The following SRRM4 variants were observed in gnomAD, a reference collection of about 807,000 sequenced individuals.
SRRM4 encodes serine/arginine repetitive matrix 4.
In SRRM4, 33 loss-of-function variants were observed where a neutral mutation model predicts 68.9. The ratio of observed to expected loss-of-function variants is 0.48; its 90% confidence interval spans 0.36 to 0.64. The LOEUF is 0.64. Among genes scored for constraint, SRRM4 ranks in the 30% least tolerant of loss-of-function variants. The pLI is 0.00. For synonymous variants in SRRM4, 318 were observed against 318.8 expected, an observed-to-expected ratio of 1.00 and a Z score of 0.03; for missense variants, 817 against 827.1, an observed-to-expected ratio of 0.99 and a Z score of 0.15.
At chr12:119,137,303 G>A (rs1235030753) in intron 8 of SRRM4, among the ~76,000 whole-genome samples, 2 of 152,118 alleles carry the variant, frequency 1.3e-5, no homozygotes, top group Non-Finnish European at 2.9e-5. Context: ...TTGTATTTTT[G>A]TATCCTATTA....
intron 8 of SRRM4, among the ~76,000 whole-genome samples, chr12:119,139,446 T>C (rs1480379032): frequency 6.6e-6 from 1 of 152,160 alleles, no homozygotes; most frequent in African/African-American, 2.4e-5. Context: ...CATTAAACTA[T>C]CTGAATATCT....
intron 2 of SRRM4, among the ~76,000 whole-genome samples, chr12:119,103,174 A>G (rs1954087164): frequency 6.6e-6 from 1 of 152,202 alleles, no homozygotes; most frequent in African/African-American, 2.4e-5. Flanking sequence ...ATCTATTTCT[A>G]GAAGATGTGA....
At chr12:119,120,121 T>TC in intron 4 of SRRM4, 129 bp from the exon 5 acceptor site, 1 of 456,028 alleles carries the variant, frequency 2.2e-6, no homozygotes, top group Non-Finnish European at 4.0e-6. Context: ...TCCTTCACCA[T>TC]CCCTCCCTTT....
intron 1 of SRRM4, among the ~76,000 whole-genome samples, chr12:119,054,861 G>C (rs1181283868): frequency 6.6e-6 from 1 of 152,142 alleles, no homozygotes; most frequent in African/African-American, 2.4e-5. Flanking sequence ...TCTAGCAAAG[G>C]ACAGTTTCTT....
intron 1 of SRRM4, among the ~76,000 whole-genome samples, chr12:119,065,025 C>T (rs1187281745): frequency 6.6e-6 from 1 of 152,050 alleles, no homozygotes; most frequent in Non-Finnish European, 1.5e-5. Flanking sequence ...ATCATGTTAA[C>T]CTCTTTATAT....
intron 1 of SRRM4, among the ~76,000 whole-genome samples, chr12:119,043,457 T>C (rs1427221129): frequency 6.6e-6 from 1 of 152,126 alleles, no homozygotes; most frequent in Non-Finnish European, 1.5e-5. Flanking sequence ...ACCTAGGTGA[T>C]GAGTTTATCT....
chr12:118,982,264 C>T (rs1300038209), intron 1 of SRRM4, among the ~76,000 whole-genome samples: 1 of 152,124 alleles, frequency 6.6e-6, no homozygotes, highest in East Asian at 1.9e-4. Context: ...AGAGGTTTTG[C>T]TACCTGAGGG....
rs148213623 is a variant in SRRM4, at chr12:119,096,269, G to T, written c.132-5967G>T. 2.0e-5 allele frequency among the ~76,000 whole-genome samples: 3 copies of T among 150,072 alleles called. No homozygotes were observed. The East Asian group carries it at 6.0e-4, about 30-fold the overall frequency. ...GGATGGTCTCAATCTTCCTGACCTC[G>T]TAATCCGCCCACCTCAGCCTCCCAA... On this transcript the variant is annotated intron_variant, in intron 1 of 12. Coordinates refer to ENST00000267260, the MANE Select transcript of SRRM4 (RefSeq NM_194286.4).
At chr12:119,100,461 T>C (rs997014431) in intron 1 of SRRM4, among the ~76,000 whole-genome samples, 1 of 151,544 alleles carries the variant, frequency 6.6e-6, no homozygotes, top group Non-Finnish European at 1.5e-5. Context: ...CTGCACTCCA[T>C]CCTGGACAAC....
chr12:119,073,005 T>C (rs951322203), intron 1 of SRRM4, among the ~76,000 whole-genome samples: 1 of 151,630 alleles, frequency 6.6e-6, no homozygotes, highest in Non-Finnish European at 1.5e-5. Context: ...AGAAATGAGA[T>C]AGGACGAACA....
rs1298341366 is a variant in SRRM4, at chr12:118,981,953, C to T, written c.71C>T (p.Ala24Val). 7 of 1,612,400 alleles carry T rather than the reference C, an allele frequency of 4.3e-6. No individual in the cohort carries two copies. Among genetic ancestry groups the T allele is most frequent in the Non-Finnish European group, 5.9e-6 (7 of 1,179,374 alleles). Residue 24 changes from alanine (A) to valine (V), a missense_variant, in exon 1 of 13, where the codon GCC becomes GTC. Coordinates refer to ENST00000267260, the MANE Select transcript of SRRM4 (RefSeq NM_194286.4). ...TGGCGAGGAACCTTCAAAGCGGTGGCCACCCCCCGTCCCGAGAGCATCATT... is the reference window on the plus strand; with the variant it reads ...TGGCGAGGAACCTTCAAAGCGGTGGTCACCCCCCGTCCCGAGAGCATCATT... ...KFWRGTFKAV[A>V]TPRPESIIVA... is the part of the protein sequence containing the mutation.
intron 1 of SRRM4, among the ~76,000 whole-genome samples, chr12:119,042,695 G>A (rs774979069): frequency 5.3e-5 from 8 of 151,856 alleles, no homozygotes; most frequent in Non-Finnish European, 1.0e-4. Flanking sequence ...GAGGGAGGAA[G>A]GAACTGAGAG....
intron 1 of SRRM4, among the ~76,000 whole-genome samples, chr12:119,101,971 A>C (rs1432258645): frequency 6.6e-6 from 1 of 152,162 alleles, no homozygotes; most frequent in Non-Finnish European, 1.5e-5. Flanking sequence ...TTCATCAAAT[A>C]GTTTCACCTT....
intron 1 of SRRM4, among the ~76,000 whole-genome samples, chr12:119,008,403 A>G (rs151235975): frequency 6.6e-6 from 1 of 151,948 alleles, no homozygotes; most frequent in Non-Finnish European, 1.5e-5. Context: ...ATGTTATCTA[A>G]TATCTATTCA....
chr12:119,022,219 G>A (rs1162803672), intron 1 of SRRM4, among the ~76,000 whole-genome samples: 2 of 151,962 alleles, frequency 1.3e-5, no homozygotes, highest in Non-Finnish European at 2.9e-5. Context: ...AAAAGAAAGA[G>A]GAGAATGCTT....
chr12:119,108,258 G>T (rs1954119465), intron 2 of SRRM4, among the ~76,000 whole-genome samples: 1 of 152,252 alleles, frequency 6.6e-6, no homozygotes, highest in Non-Finnish European at 1.5e-5. Context: ...TTTGGAATAA[G>T]TGCGATGTGG....
At chr12:119,052,861 C>T (rs1422410065) in intron 1 of SRRM4, among the ~76,000 whole-genome samples, 5 of 152,084 alleles carry the variant, frequency 3.3e-5, no homozygotes, top group South Asian at 4.2e-4. Context: ...ACAGAGAGGA[C>T]GTGGTGTGGC....
rs566130975 is a variant in SRRM4 at position 119,114,620 on chromosome 12, C to A, written c.365+256C>A. Among the ~76,000 whole-genome samples the A allele has an allele frequency of 3.3e-5, 5 of 151,342 alleles. No individual in the cohort carries two copies. In the East Asian group the frequency reaches 9.7e-4, roughly 29 times the overall value. On this transcript the variant is annotated intron_variant, in intron 3 of 12. Transcript: ENST00000267260. Reference sequence around the variant, plus strand: ...TAATGTGGAAGCGGCTGTCACAGTACCTGGCACATGGTAAATGACTAATTA... The same window carrying A: ...TAATGTGGAAGCGGCTGTCACAGTAACTGGCACATGGTAAATGACTAATTA...
chr12:119,012,939 C>T (rs1174920961), intron 1 of SRRM4, among the ~76,000 whole-genome samples: 1 of 152,150 alleles, frequency 6.6e-6, no homozygotes, highest in Non-Finnish European at 1.5e-5. Context: ...AAAAATTTCA[C>T]CAGGTGTTTT....
Sources: allele counts gnomAD v4.1 joint callset (sites outside exome capture counted in the v4.1 genomes callset), GRCh38; gene constraint gnomAD v4.1.1; transcripts MANE v1.5; gene names NCBI Gene and HGNC (gene_info 2026-07-23, HGNC 2026-07-21).